KCNIP1: variants seen among roughly 807,000 people sequenced by gnomAD.
KCNIP1 encodes the protein A-type potassium channel modulatory protein KCNIP1.
Under a neutral mutation model 33.0 loss-of-function variants are expected in KCNIP1, and 18 were observed. The ratio of observed to expected loss-of-function variants is 0.55; its 90% CI spans 0.38 to 0.81. The LOEUF (loss-of-function observed/expected upper bound fraction) is 0.81. KCNIP1 is among the 30% of genes least tolerant of loss of function. The probability of loss-of-function intolerance (pLI) is 0.00; values close to 1 mark genes in which losing one functional copy is unlikely to be tolerated. For synonymous variants in KCNIP1, 93 were observed against 98.3 expected, an observed-to-expected ratio of 0.95 and a Z score of 0.32; for missense variants, 238 against 271.6, an observed-to-expected ratio of 0.88 and a Z score of 0.87.
chr5:170,638,705 T>C (rs1370107449), intron 1 of KCNIP1, among the ~76,000 whole-genome samples: 1 of 150,078 alleles, frequency 6.7e-6, no homozygotes, highest in Non-Finnish European at 1.5e-5. Flanking sequence ...GTTGCATTGC[T>C]CTTGGGGGCA....
intron 1 of KCNIP1, among the ~76,000 whole-genome samples, chr5:170,691,836 C>T (rs1762730413): frequency 6.6e-6 from 1 of 151,962 alleles, no homozygotes; most frequent in South Asian, 2.1e-4. Context: ...GGGCAAGGTC[C>T]TGGAGGGGGC....
At chr5:170,459,758 A>C (rs1756465634) in intron 1 of KCNIP1, among the ~76,000 whole-genome samples, 1 of 152,196 alleles carries the variant, frequency 6.6e-6, no homozygotes, top group Admixed American at 6.5e-5. Context: ...ACAAATAGAT[A>C]ATCTAAAGTC....
intron 1 of KCNIP1, among the ~76,000 whole-genome samples, chr5:170,543,956 G>C (rs923046339): frequency 5.3e-4 from 81 of 152,256 alleles, no homozygotes; most frequent in African/African-American, 1.9e-3. Flanking sequence ...AATGAGTAAG[G>C]CTAGAAACCA....
intron 1 of KCNIP1, among the ~76,000 whole-genome samples, chr5:170,694,842 T>C (rs1248973662): frequency 6.6e-6 from 1 of 152,192 alleles, no homozygotes; most frequent in African/African-American, 2.4e-5. Context: ...ATGAGCTCTG[T>C]CCGCAAAAAG....
intron 1 of KCNIP1, among the ~76,000 whole-genome samples, chr5:170,508,280 A>T (rs1477449435): frequency 6.6e-6 from 1 of 152,182 alleles, no homozygotes; most frequent in Non-Finnish European, 1.5e-5. Context: ...ACTCAACCCC[A>T]TGGCTATCAG....
rs1763827735 is a variant in KCNIP1, at chr5:170,721,625, G to C, written c.257-208G>C. 7.6e-6 allele frequency: 7 copies of C among 920,204 alleles called. No individual in the cohort carries two copies. In the South Asian group the frequency reaches 1.1e-4, roughly 15 times the overall value. The allele number at this position is 920,204 out of a possible 1,614,324, so 57.0% of individuals were successfully genotyped here. Reference sequence around the variant, plus strand: ...TTTTCTCATGATGGCTAGAGGGAGGGGCAAGGGCTCATCTCACTTTTTGCT... The same window carrying C: ...TTTTCTCATGATGGCTAGAGGGAGGCGCAAGGGCTCATCTCACTTTTTGCT... On this transcript the variant is annotated intron_variant, in intron 3 of 7. Coordinates refer to ENST00000328939, the MANE Select transcript of KCNIP1 (RefSeq NM_014592.4).
intron 1 of KCNIP1, among the ~76,000 whole-genome samples, chr5:170,430,621 AG>A (rs1465506822): frequency 6.6e-6 from 1 of 152,164 alleles, no homozygotes; most frequent in Non-Finnish European, 1.5e-5. Context: ...TCTGTCCTCA[AG>A]GATGGGAACG....
intron 1 of KCNIP1, among the ~76,000 whole-genome samples, chr5:170,495,174 T>A (rs528779101): frequency 6.6e-6 from 1 of 152,312 alleles, no homozygotes; most frequent in East Asian, 1.9e-4. Context: ...TTACGGAGCA[T>A]GGAGCCTGAA....
intron 1 of KCNIP1, among the ~76,000 whole-genome samples, chr5:170,516,604 A>G (rs1237607267): frequency 1.3e-5 from 2 of 152,234 alleles, no homozygotes; most frequent in Non-Finnish European, 2.9e-5. Context: ...TACGAACATC[A>G]AAGATTGTGG....
chr5:170,659,283 C>T (rs529091094), intron 1 of KCNIP1, among the ~76,000 whole-genome samples: 6 of 152,206 alleles, frequency 3.9e-5, no homozygotes, highest in South Asian at 2.1e-4. Flanking sequence ...ACCTTCCATT[C>T]GTGGTGGGTG....
At chr5:170,401,162 C>T (rs1754892669) in intron 1 of KCNIP1, among the ~76,000 whole-genome samples, 1 of 152,324 alleles carries the variant, frequency 6.6e-6, no homozygotes, top group South Asian at 2.1e-4. Flanking sequence ...GTGCCTGAGA[C>T]AGATTCTTCA....
chr5:170,718,931 G>T lies in KCNIP1; in HGVS notation c.186+49G>T, dbSNP rs754395821. On this transcript the variant is annotated intron_variant, in intron 2 of 7. Transcript: ENST00000328939. ...GGCCTGGGGGGGGTTCCCACGTGAG[G>T]CTACACTCTCCCCAATGCCAAGGGA... 6 of 1,582,384 alleles carry T rather than the reference G, an allele frequency of 3.8e-6. No homozygotes were observed. In the East Asian group the frequency reaches 1.1e-4, roughly 30 times the overall value.
rs1302953363 is a variant in KCNIP1, at chr5:170,400,153, C to G, written c.88+46189C>G. On this transcript the variant is annotated intron_variant, in intron 1 of 7. Transcript: ENST00000377360. ...GCCAGGAGTCCATGCTTCCTGACTC[C>G]TATGCCATATTCTTGCCTTATTCCT... Among the ~76,000 whole-genome samples, 3 of 152,298 alleles carry G rather than the reference C, an allele frequency of 2.0e-5. No homozygotes were observed. In the East Asian group the frequency reaches 5.8e-4, roughly 29 times the overall value.
At chr5:170,675,635 T>C (rs1762105683) in intron 1 of KCNIP1, among the ~76,000 whole-genome samples, 1 of 152,108 alleles carries the variant, frequency 6.6e-6, no homozygotes, top group Non-Finnish European at 1.5e-5. Flanking sequence ...TAAAATAAAT[T>C]GCTCTGTAAG....
chr5:170,488,144 T>G (rs1024699238), intron 1 of KCNIP1, among the ~76,000 whole-genome samples: 2 of 152,220 alleles, frequency 1.3e-5, no homozygotes, highest in African/African-American at 4.8e-5. Context: ...AACTTGCTTC[T>G]CTTTCTCACC....
chr5:170,364,008 T>C (rs1029445934), intron 1 of KCNIP1, among the ~76,000 whole-genome samples: 2 of 151,500 alleles, frequency 1.3e-5, no homozygotes, highest in African/African-American at 4.9e-5. Flanking sequence ...ATCTTTTTTT[T>C]TTTTTTTTTT....
intron 1 of KCNIP1, among the ~76,000 whole-genome samples, chr5:170,439,328 A>G (rs1755934602): frequency 6.6e-6 from 1 of 152,252 alleles, no homozygotes; most frequent in Non-Finnish European, 1.5e-5. Flanking sequence ...AAATTGAAGC[A>G]TTTATGAAGC....
intron 1 of KCNIP1, among the ~76,000 whole-genome samples, chr5:170,697,257 C>T (rs1424506306): frequency 1.3e-5 from 2 of 152,180 alleles, no homozygotes; most frequent in Non-Finnish European, 2.9e-5. Context: ...CCTTGCAGCA[C>T]TTCTCACAGC....
chr5:170,695,053 A>G (rs1173853765), intron 1 of KCNIP1, among the ~76,000 whole-genome samples: 1 of 152,190 alleles, frequency 6.6e-6, no homozygotes, highest in Non-Finnish European at 1.5e-5. Context: ...GAGAAGTGTG[A>G]CACAGCTCTC....
Sources: gnomAD v4.1 joint callset for allele counts (sites outside exome capture counted in the v4.1 genomes callset) on GRCh38, gnomAD v4.1.1 for gene constraint, MANE v1.5 for transcripts, NCBI Gene and HGNC (gene_info 2026-07-23, HGNC 2026-07-21) for gene names.